Variants in IFT57 observed in about 807,000 individuals in gnomAD.
IFT57 encodes intraflagellar transport 57.
Under a neutral mutation model 56.8 loss-of-function variants are expected in IFT57, and 59 were observed. The observed-to-expected ratio is 1.04, with a 90% confidence interval of 0.84 to 1.29. The LOEUF is 1.29. Ranked by LOEUF, IFT57 falls within the 50% of genes most tolerant of loss-of-function variation. The pLI, the probability that IFT57 is intolerant of heterozygous loss-of-function variation, is 0.00. For missense variants in IFT57, 470 were observed against 522.1 expected, an observed-to-expected ratio of 0.90 and a Z score of 0.97; for synonymous variants, 209 against 186.1, an observed-to-expected ratio of 1.12 and a Z score of -1.00.
chr3:108,216,726 A>G (rs2080375049), intron 3 of IFT57, among the ~76,000 whole-genome samples: 1 of 152,216 alleles, frequency 6.6e-6, no homozygotes, highest in Non-Finnish European at 1.5e-5. Flanking sequence ...GAATCTGCCT[A>G]AGTATCCATC....
At chr3:108,173,313 G>A (rs1436720595) in intron 6 of IFT57, among the ~76,000 whole-genome samples, 1 of 151,682 alleles carries the variant, frequency 6.6e-6, no homozygotes, top group Non-Finnish European at 1.5e-5. Context: ...ACTGTGGGTG[G>A]GAAGGGGCAG....
intron 4 of IFT57, 80 bp downstream of exon 4, chr3:108,213,850 TA>T (rs2080356763): frequency 2.6e-6 from 2 of 765,538 alleles, no homozygotes; most frequent in South Asian, 3.5e-5. Flanking sequence ...ATATTCCAGA[TA>T]ATGGAAGTCT....
At chr3:108,165,370 G>A in intron 9 of IFT57, 61 bp downstream of exon 9, 1 of 1,347,544 alleles carries the variant, frequency 7.4e-7, no homozygotes, top group Non-Finnish European at 1.1e-6. Flanking sequence ...CCATTTGTAG[G>A]TTCTCAATGG....
In IFT57 at chr3:108,189,078, C is replaced by T. The variant is rs569038877; in HGVS notation, c.777+2443G>A. On this transcript the variant is annotated intron_variant, in intron 6 of 10. Transcript: ENST00000264538. Reference sequence around the variant, plus strand: ...TGAAAAGAATTTGTTCTGACAAAACCAAAAAATCAGAAATCACATTTTTGC... The same window carrying T: ...TGAAAAGAATTTGTTCTGACAAAACTAAAAAATCAGAAATCACATTTTTGC... Among the ~76,000 whole-genome samples the T allele has an allele frequency of 5.3e-5, 8 of 152,082 alleles. No individual in the cohort carries two copies. The South Asian group carries it at 1.7e-3, about 32-fold the overall frequency.
At chr3:108,221,978 C>A in intron 1 of IFT57, 133 bp downstream of exon 1, 1 of 1,472,524 alleles carries the variant, frequency 6.8e-7, no homozygotes, top group Non-Finnish European at 9.0e-7. Flanking sequence ...GGTGAAGTGC[C>A]CTTCCCTGGC....
At chr3:108,173,997 AGTGT>A (rs34537693) in intron 6 of IFT57, among the ~76,000 whole-genome samples, 2,454 of 100,670 alleles carry the variant, frequency 0.024, 62 homozygotes, top group Middle Eastern at 0.038. Flanking sequence ...CATATATTTG[AGTGT>A]GTGTGTGTGT....
intron 6 of IFT57, among the ~76,000 whole-genome samples, chr3:108,170,678 A>G (rs1239316055): frequency 2.6e-5 from 4 of 151,246 alleles, no homozygotes; most frequent in Admixed American, 2.6e-4. Flanking sequence ...CAAAAAAAAA[A>G]ACCCCATACA....
chr3:108,215,884 A>G (rs1293065719), intron 3 of IFT57, among the ~76,000 whole-genome samples: 2 of 152,162 alleles, frequency 1.3e-5, no homozygotes, highest in African/African-American at 4.8e-5. Flanking sequence ...TGGTGCTAAA[A>G]AACAAAAAAA....
Position 108,210,332 on chromosome 3 carries a change from C to CT in IFT57, c.585+3598dup, listed in dbSNP as rs35896793. Reference sequence around the variant, plus strand: ...CAGAACTTTGACTGTCAGAAATAATCTTTTTTTTTTTTTTTTTTTGAGACA... The same window carrying CT: ...CAGAACTTTGACTGTCAGAAATAATCTTTTTTTTTTTTTTTTTTTTGAGACA... On this transcript the variant is annotated intron_variant, in intron 4 of 10. Coordinates refer to ENST00000264538, the MANE Select transcript of IFT57 (RefSeq NM_018010.4). Among the ~76,000 whole-genome samples, 1,043 of 107,966 alleles carry CT rather than the reference C, an allele frequency of 9.7e-3. 35 individuals are homozygous for CT. Among genetic ancestry groups the CT allele is most frequent in the African/African-American group, 0.027 (753 of 28,044 alleles). 70.8% of individuals were successfully genotyped at this position (107,966 alleles called of 152,430 possible). A position where few individuals can be genotyped will look rare whatever the true frequency, so the allele number is the denominator to read the frequency against.
intron 2 of IFT57, 25 bp from the exon 3 acceptor site, chr3:108,218,678 G>T (rs2080387385): frequency 3.3e-6 from 4 of 1,205,144 alleles, no homozygotes; most frequent in Non-Finnish European, 4.7e-6. Flanking sequence ...AAAAAACAGG[G>T]TATTATTTGT....
chr3:108,219,179 A>T (rs771052232), intron 2 of IFT57, among the ~76,000 whole-genome samples: 4 of 152,070 alleles, frequency 2.6e-5, no homozygotes, highest in East Asian at 3.8e-4. Context: ...CCTCTCAGAT[A>T]TATCAAGATT....
chr3:108,212,684 A>G (rs1467409158), intron 4 of IFT57, among the ~76,000 whole-genome samples: 3 of 152,210 alleles, frequency 2.0e-5, no homozygotes, highest in Non-Finnish European at 4.4e-5. Flanking sequence ...GATAGCATCT[A>G]ATCTATTTAA....
chr3:108,209,219 T>G (rs2080330012), intron 4 of IFT57, among the ~76,000 whole-genome samples: 1 of 152,238 alleles, frequency 6.6e-6, no homozygotes, highest in African/African-American at 2.4e-5. Flanking sequence ...CCTTATCATG[T>G]AACATAGATG....
intron 3 of IFT57, among the ~76,000 whole-genome samples, chr3:108,215,994 T>A (rs2080370912): frequency 6.6e-6 from 1 of 152,160 alleles, no homozygotes; most frequent in South Asian, 2.1e-4. Flanking sequence ...CAAAATGGAT[T>A]AAAGACTTAA....
At position 108,222,131 on chromosome 3, in the gene IFT57, G is replaced by C; in HGVS notation, c.192C>G (p.Ser64Arg). The change falls in exon 1 of 11, where the codon AGC (serine) becomes AGG (arginine). Residue 64 changes from serine (S) to arginine (R), a missense_variant. Ser to Arg is a moderately radical substitution (Grantham distance 110). Transcript: ENST00000264538. Reference sequence around the variant, plus strand: ...CCCACCTGGACGGGGCCTTCAGGTTGCTCTTCCGGAGGAACTCCTCCTCGT... The same window carrying C: ...CCCACCTGGACGGGGCCTTCAGGTTCCTCTTCCGGAGGAACTCCTCCTCGT... ...LRYEEEFLRK[S>R]NLKAPSRHYF... 6.2e-7 allele frequency: 1 copy of C among 1,609,068 alleles called. No homozygotes were observed.
At chr3:108,185,677 A>G (rs1174849567) in intron 6 of IFT57, among the ~76,000 whole-genome samples, 2 of 149,642 alleles carry the variant, frequency 1.3e-5, no homozygotes, top group East Asian at 4.0e-4. Flanking sequence ...TCCTGCCAGC[A>G]CTAGGATTTA....
intron 6 of IFT57, among the ~76,000 whole-genome samples, chr3:108,183,612 A>C (rs567435940): frequency 6.6e-6 from 1 of 152,246 alleles, no homozygotes; most frequent in Admixed American, 6.6e-5. Context: ...AAATCATTTA[A>C]ATTTTCCTAC....
At chr3:108,192,410 G>T (rs2080221378) in intron 5 of IFT57, among the ~76,000 whole-genome samples, 1 of 151,956 alleles carries the variant, frequency 6.6e-6, no homozygotes, top group African/African-American at 2.4e-5. Context: ...TTCTGCATTT[G>T]CTTTCTGCAT....
chr3:108,187,706 G>C lies in IFT57; in HGVS notation c.777+3815C>G, dbSNP rs575643048. Among the ~76,000 whole-genome samples, 7 of 151,408 alleles carry C rather than the reference G, an allele frequency of 4.6e-5. No homozygotes were observed. The South Asian group carries it at 1.5e-3, about 32-fold the overall frequency. ...ATTTGATCCAGAGCCAAATAAATAT[G>C]GGACTTATTTACTACCAAATTTAAA... On this transcript the variant is annotated intron_variant, in intron 6 of 10. Coordinates refer to ENST00000264538, the MANE Select transcript of IFT57 (RefSeq NM_018010.4).
Sources: gnomAD v4.1 joint callset for allele counts (sites outside exome capture counted in the v4.1 genomes callset) on GRCh38, gnomAD v4.1.1 for gene constraint, MANE v1.5 for transcripts, NCBI Gene and HGNC (gene_info 2026-07-23, HGNC 2026-07-21) for gene names.